The following BRINP1 variants were observed in gnomAD, a reference collection of about 807,000 sequenced individuals.
BRINP1 encodes the protein BMP/retinoic acid inducible neural specific 1, also known as BMP/retinoic acid-inducible neural-specific protein 1.
Under a neutral mutation model 72.9 loss-of-function variants are expected in BRINP1, and 17 were observed. The observed-to-expected ratio is 0.23, with a 90% CI of 0.16 to 0.35. The LOEUF is 0.35. Ranked by LOEUF, BRINP1 falls within the 10% of genes least tolerant of loss-of-function variation. The probability of loss-of-function intolerance (pLI) is 1.00; values close to 1 mark genes in which losing one functional copy is unlikely to be tolerated. For synonymous variants in BRINP1, 418 were observed against 378.5 expected (o/e 1.10, Z -1.21); for missense variants, 850 against 1,001.6 (o/e 0.85, Z 2.04).
At chr9:119,213,876 G>T in intron 6 of BRINP1, 43 bp downstream of exon 6, 1 of 1,541,496 alleles carries the variant, frequency 6.5e-7, no homozygotes, top group Non-Finnish European at 9.0e-7. Context: ...TTCAGACTTG[G>T]CTCAAGGCCA....
chr9:119,308,769 C>T (rs1231316702), intron 2 of BRINP1, among the ~76,000 whole-genome samples: 5 of 152,092 alleles, frequency 3.3e-5, no homozygotes, highest in South Asian at 2.1e-4. Context: ...GGAGATGCAA[C>T]GTAAGCCACA....
At chr9:119,252,623 C>A (rs1393162777) in intron 2 of BRINP1, among the ~76,000 whole-genome samples, 1 of 151,612 alleles carries the variant, frequency 6.6e-6, no homozygotes, top group Non-Finnish European at 1.5e-5. Context: ...TTCATATGAA[C>A]ACACCCGTAT....
chr9:119,194,880 CTGGAAA>C (rs1198714106), intron 7 of BRINP1, among the ~76,000 whole-genome samples: 1 of 152,128 alleles, frequency 6.6e-6, no homozygotes, highest in Middle Eastern at 3.2e-3. Flanking sequence ...CTCCTGACCC[CTGGAAA>C]CTATAACATA....
Position 119,178,349 on chromosome 9 carries a change from C to T in BRINP1, c.1146-10125G>A, listed in dbSNP as rs148736404. Among the ~76,000 whole-genome samples, 998 of 152,228 alleles carry T rather than the reference C, an allele frequency of 6.6e-3. 8 individuals carry two copies. The highest frequency in any genetic ancestry group is 0.031 in the Middle Eastern group (9 of 294). On this transcript the variant is annotated intron_variant, in intron 7 of 7. Transcript: ENST00000265922. ...CAATGTTACCAGTGAGTCCTGATCC[C>T]CCAGGTCAACAAACTTTCTTTTGCT... is the stretch of plus-strand genomic sequence containing the variant.
At chr9:119,250,900 C>T (rs1176120767) in intron 2 of BRINP1, among the ~76,000 whole-genome samples, 4 of 152,130 alleles carry the variant, frequency 2.6e-5, no homozygotes, top group Admixed American at 2.6e-4. Flanking sequence ...GTCTCTCTCT[C>T]CTGCCACAGG....
At chr9:119,307,138 C>G (rs1266148306) in intron 2 of BRINP1, among the ~76,000 whole-genome samples, 1 of 151,338 alleles carries the variant, frequency 6.6e-6, no homozygotes, top group Non-Finnish European at 1.5e-5. Flanking sequence ...TGCTTGCTAC[C>G]CACGAGATGC....
intron 5 of BRINP1, among the ~76,000 whole-genome samples, chr9:119,234,118 G>T (rs1474216696): frequency 3.9e-5 from 6 of 152,268 alleles, no homozygotes; most frequent in African/African-American, 7.2e-5. Context: ...TATGTCTTCT[G>T]GTGAGCATGT....
chr9:119,177,838 G>T (rs147523084), intron 7 of BRINP1, among the ~76,000 whole-genome samples: 62 of 152,336 alleles, frequency 4.1e-4, no homozygotes, highest in African/African-American at 1.4e-3. Flanking sequence ...CGAGCTGCGT[G>T]GCACCTGCAT....
chr9:119,249,805 TGGAA>T lies in BRINP1; in HGVS notation c.219-659_219-656del, dbSNP rs1348208106. On this transcript the variant is annotated intron_variant, in intron 2 of 7. Transcript: ENST00000265922. ...AATGCCAGACAGAGAAATAAACAAA[TGGAA>T]GGAAGGAAGGAAGGAAGGAAGGAAG... 5.5e-3 allele frequency among the ~76,000 whole-genome samples: 175 copies of T among 31,558 alleles called. 3 individuals carry two copies. The highest frequency in any genetic ancestry group is 0.015 in the African/African-American group (97 of 6,502). 20.7% of individuals were successfully genotyped at this position (31,558 alleles called of 152,430 possible).
intron 2 of BRINP1, among the ~76,000 whole-genome samples, chr9:119,265,210 C>T (rs573269415): frequency 6.6e-6 from 1 of 152,206 alleles, no homozygotes; most frequent in Non-Finnish European, 1.5e-5. Flanking sequence ...CCACTTACTT[C>T]TCTCTGTCAG....
chr9:119,215,897 G>T (rs1829971802), intron 5 of BRINP1, among the ~76,000 whole-genome samples: 1 of 152,156 alleles, frequency 6.6e-6, no homozygotes, highest in Non-Finnish European at 1.5e-5. Context: ...GGCTGCACTG[G>T]CTCCTCTTCT....
chr9:119,276,915 G>A (rs1350945853), intron 2 of BRINP1, among the ~76,000 whole-genome samples: 1 of 152,056 alleles, frequency 6.6e-6, no homozygotes, highest in Non-Finnish European at 1.5e-5. Flanking sequence ...CAAATGTATA[G>A]TATTAACCAC....
chr9:119,205,444 G>T (rs1368741326), intron 7 of BRINP1, among the ~76,000 whole-genome samples: 1 of 152,140 alleles, frequency 6.6e-6, no homozygotes, highest in East Asian at 1.9e-4. Flanking sequence ...TGATGGTAGA[G>T]CATTTTTAGC....
chr9:119,326,485 T>C (rs916441842), intron 1 of BRINP1, among the ~76,000 whole-genome samples: 11 of 152,236 alleles, frequency 7.2e-5, no homozygotes, highest in Admixed American at 2.0e-4. Context: ...TCTGTGATCC[T>C]ATTATATTTT....
intron 7 of BRINP1, among the ~76,000 whole-genome samples, chr9:119,201,535 G>A (rs561978452): frequency 1.3e-5 from 2 of 152,264 alleles, no homozygotes; most frequent in African/African-American, 2.4e-5. Context: ...CTCGTTTAAG[G>A]TGAGGTACAA....
chr9:119,178,774 G>A (rs1225548455), intron 7 of BRINP1, among the ~76,000 whole-genome samples: 1 of 152,142 alleles, frequency 6.6e-6, no homozygotes, highest in Non-Finnish European at 1.5e-5. Flanking sequence ...ATCTGAATGT[G>A]GAGTACCTTT....
chr9:119,180,265 T>G (rs893002895), intron 7 of BRINP1, among the ~76,000 whole-genome samples: 5 of 152,160 alleles, frequency 3.3e-5, no homozygotes, highest in Non-Finnish European at 7.4e-5. Context: ...TGGAAAAAAA[T>G]GAAATTGGAG....
intron 5 of BRINP1, among the ~76,000 whole-genome samples, chr9:119,224,023 T>C (rs1830066852): frequency 6.6e-6 from 1 of 152,034 alleles, no homozygotes; most frequent in Non-Finnish European, 1.5e-5. Context: ...TGCTAGATCA[T>C]AGTAGGTATG....
chr9:119,277,979 C>T (rs1342637235), intron 2 of BRINP1, among the ~76,000 whole-genome samples: 1 of 152,154 alleles, frequency 6.6e-6, no homozygotes, highest in Admixed American at 6.5e-5. Flanking sequence ...TTTTCTTTAT[C>T]TATACTGAAT....
Sources: allele counts gnomAD v4.1 joint callset (sites outside exome capture counted in the v4.1 genomes callset), GRCh38; gene constraint gnomAD v4.1.1; transcripts MANE v1.5; gene names NCBI Gene and HGNC (gene_info 2026-07-23, HGNC 2026-07-21).